The following KALRN variants were observed in gnomAD, a reference collection of about 807,000 sequenced individuals.
KALRN encodes kalirin RhoGEF kinase.
Under a neutral mutation model 353.7 loss-of-function variants are expected in KALRN, and 70 were observed. The ratio of observed to expected loss-of-function variants is 0.20; its 90% confidence interval spans 0.16 to 0.24. The LOEUF (loss-of-function observed/expected upper bound fraction) is 0.24. Among genes scored for constraint, KALRN ranks in the 10% least tolerant of loss-of-function variants. The probability of loss-of-function intolerance (pLI) is 1.00; values close to 1 mark genes in which losing one functional copy is unlikely to be tolerated. For synonymous variants in KALRN, 1,391 were observed against 1,434.8 expected, an observed-to-expected ratio of 0.97 and a Z score of 0.69; for missense variants, 2,791 against 3,756.7, an observed-to-expected ratio of 0.74 and a Z score of 6.72.
At chr3:124,660,622 G>A (rs935526288) in intron 43 of KALRN, among the ~76,000 whole-genome samples, 1 of 147,042 alleles carries the variant, frequency 6.8e-6, no homozygotes, top group African/African-American at 2.5e-5. Flanking sequence ...CACAGGTTAC[G>A]GTGAGCCAAA....
chr3:124,135,775 G>C (rs1442593159), intron 1 of KALRN, among the ~76,000 whole-genome samples: 1 of 152,088 alleles, frequency 6.6e-6, no homozygotes, highest in Non-Finnish European at 1.5e-5. Context: ...CAGTGTAGGG[G>C]ACATTCTAAA....
chr3:124,198,905 A>G (rs1010115141), intron 1 of KALRN, among the ~76,000 whole-genome samples: 11 of 152,214 alleles, frequency 7.2e-5, no homozygotes, highest in Non-Finnish European at 1.0e-4. Context: ...GGAATGGATC[A>G]TGGGGCCTCA....
At chr3:124,153,278 C>G (rs1325705731) in intron 1 of KALRN, among the ~76,000 whole-genome samples, 1 of 111,838 alleles carries the variant, frequency 8.9e-6, no homozygotes, top group Non-Finnish European at 1.8e-5. Context: ...TCCCCCCACC[C>G]CACAACAGTC....
At chr3:124,488,423 G>A (rs1262096703) in intron 29 of KALRN, 108 bp downstream of exon 29, 2 of 764,964 alleles carry the variant, frequency 2.6e-6, no homozygotes, top group East Asian at 2.6e-5. Flanking sequence ...AAGGCTGGAA[G>A]AGAGAAGAAA....
chr3:124,697,052 T>C (rs988101827), intron 54 of KALRN, among the ~76,000 whole-genome samples: 1 of 152,192 alleles, frequency 6.6e-6, no homozygotes, highest in Non-Finnish European at 1.5e-5. Flanking sequence ...TCCAACTAGC[T>C]AGGACTATAG....
intron 1 of KALRN, among the ~76,000 whole-genome samples, chr3:124,066,816 G>T (rs946988248): frequency 1.3e-5 from 2 of 152,208 alleles, no homozygotes; most frequent in Non-Finnish European, 2.9e-5. Flanking sequence ...GAGAGTGATG[G>T]AAGGGCAAAC....
At position 124,482,799 on chromosome 3, in the gene KALRN, TC is replaced by T. The variant is rs2108252376; in HGVS notation, c.4192-6del. 1 of 1,594,554 alleles carries T rather than the reference TC, an allele frequency of 6.3e-7. No homozygotes were observed. Among genetic ancestry groups the T allele is most frequent in the East Asian group, 2.2e-5 (1 of 44,778 alleles). On this transcript the variant is annotated splice_region_variant and splice_polypyrimidine_tract_variant and intron_variant, in intron 27 of 59. Coordinates refer to ENST00000682506, the MANE Select transcript of KALRN (RefSeq NM_001388419.1). ...TGTGTCTAATTGCACATTGTTCTCA[TC>T]CCTGCAGGAGATACAACAGCGGCAT...
rs569092895 is a variant in KALRN, at chr3:124,704,604, G to A, written c.8075+2488G>A. On this transcript the variant is annotated intron_variant, in intron 57 of 59. Transcript: ENST00000682506. Reference sequence around the variant, plus strand: ...ACTATGTTGCCCAGGCTTGAGTGCAGTGGCATGATCACTGCTCACTGCAGT... The same window carrying A: ...ACTATGTTGCCCAGGCTTGAGTGCAATGGCATGATCACTGCTCACTGCAGT... Among the ~76,000 whole-genome samples the A allele has an allele frequency of 2.0e-5, 3 of 152,160 alleles. No individual in the cohort carries two copies. In the South Asian group the frequency reaches 6.2e-4, roughly 32 times the overall value.
chr3:124,388,335 A>T (rs1473752418), intron 11 of KALRN, among the ~76,000 whole-genome samples: 3 of 149,558 alleles, frequency 2.0e-5, no homozygotes, highest in Non-Finnish European at 4.5e-5. Context: ...CTTAGACATC[A>T]TTTTTTTTTT....
intron 48 of KALRN, among the ~76,000 whole-genome samples, chr3:124,673,241 A>G (rs1365500591): frequency 6.6e-6 from 1 of 151,964 alleles, no homozygotes; most frequent in Admixed American, 6.6e-5. Context: ...AAAAAAAAAA[A>G]AAAATTAGCC....
rs1343439293 is a variant in KALRN, at chr3:124,712,973, C to A, written c.8114C>A (p.Ala2705Asp). The change falls in exon 58 of 60, where the codon GCT (alanine) becomes GAT (aspartate). Residue 2705 changes from alanine (A) to aspartate (D), a missense_variant. Transcript: ENST00000682506. ...ATAGTAAAGAAATGCATTCACAAAG[C>A]TACCCGCAAAGATGTGGCTGTGAAA... The part of the protein sequence containing the change: ...FSIVKKCIHK[A>D]TRKDVAVKFV... 1 of 1,613,996 alleles carries A rather than the reference C, an allele frequency of 6.2e-7. No homozygotes were observed. The highest frequency in any genetic ancestry group is 1.1e-5 in the South Asian group (1 of 91,068).
chr3:124,197,053 C>T (rs2075508744), intron 1 of KALRN, among the ~76,000 whole-genome samples: 1 of 152,176 alleles, frequency 6.6e-6, no homozygotes, highest in South Asian at 2.1e-4. Context: ...TGCTATGCTA[C>T]CATCATTTAT....
chr3:124,667,298 C>A, intron 47 of KALRN, 115 bp downstream of exon 47: 1 of 888,816 alleles, frequency 1.1e-6, no homozygotes. Context: ...TTTATAGGTA[C>A]TCCAACTTTG....
chr3:124,280,969 G>A (rs891171327), intron 5 of KALRN, among the ~76,000 whole-genome samples: 7 of 151,936 alleles, frequency 4.6e-5, no homozygotes, highest in South Asian at 4.1e-4. Flanking sequence ...GTAAAGAGTC[G>A]GAAACCTGTG....
intron 15 of KALRN, among the ~76,000 whole-genome samples, chr3:124,428,903 T>A (rs192735078): frequency 6.6e-6 from 1 of 152,172 alleles, no homozygotes; most frequent in Non-Finnish European, 1.5e-5. Context: ...CAGACATTGA[T>A]GTGTGATGCA....
At chr3:124,514,393 T>A (rs1389050896) in intron 33 of KALRN, among the ~76,000 whole-genome samples, 2 of 152,122 alleles carry the variant, frequency 1.3e-5, no homozygotes, top group African/African-American at 2.4e-5. Context: ...TACAGGCCTT[T>A]CCCTAAGAAG....
chr3:124,091,262 A>T (rs2061103962), intron 1 of KALRN, among the ~76,000 whole-genome samples: 1 of 152,190 alleles, frequency 6.6e-6, no homozygotes, highest in Non-Finnish European at 1.5e-5. Flanking sequence ...GGAGATCAGT[A>T]TGTCTGTGGA....
At chr3:124,495,264 G>A (rs2063580940) in intron 32 of KALRN, among the ~76,000 whole-genome samples, 1 of 152,056 alleles carries the variant, frequency 6.6e-6, no homozygotes, top group South Asian at 2.1e-4. Context: ...CTTCTGTATC[G>A]ATAAGAAATC....
At chr3:124,087,503 C>T (rs2149348162) in intron 1 of KALRN, among the ~76,000 whole-genome samples, 1 of 152,282 alleles carries the variant, frequency 6.6e-6, no homozygotes, top group Non-Finnish European at 1.5e-5. Context: ...TTGGCGATCT[C>T]ATCGAATCAT....
Sources: gnomAD v4.1 joint callset for allele counts (sites outside exome capture counted in the v4.1 genomes callset) on GRCh38, gnomAD v4.1.1 for gene constraint, MANE v1.5 for transcripts, NCBI Gene and HGNC (gene_info 2026-07-23, HGNC 2026-07-21) for gene names.